SPANXN4: variants seen among roughly 807,000 people sequenced by gnomAD.
SPANXN4 encodes the protein SPANX family member N4, also known as sperm protein associated with the nucleus on the X chromosome N4.
A neutral mutation model predicts 6.0 loss-of-function variants in SPANXN4; 5 were observed. The observed-to-expected ratio is 0.83, with a 90% CI of 0.44 to 1.75. The LOEUF is 1.75. Among genes scored for constraint, SPANXN4 ranks in the 40% most tolerant of loss-of-function variants. The pLI, the probability that SPANXN4 is intolerant of heterozygous loss-of-function variation, is 0.02. For synonymous variants in SPANXN4, 45 were observed against 38.0 expected (o/e 1.19, Z -0.68); for missense variants, 157 against 108.6 (o/e 1.45, Z -1.98).
chrX:143,027,546 G>C (rs1231213967), intron 1 of SPANXN4, among the ~76,000 whole-genome samples: 1 of 111,367 alleles, frequency 9.0e-6, no homozygotes, highest in Non-Finnish European at 1.9e-5. Flanking sequence ...TGACAGTGTG[G>C]GTGGATCTGA....
chrX:143,032,054 A>G (rs1416144865), intron 1 of SPANXN4, among the ~76,000 whole-genome samples: 2 of 111,698 alleles, frequency 1.8e-5, no homozygotes, highest in African/African-American at 6.5e-5. Context: ...TTGTTGGTGG[A>G]GGGTGTTTGC....
At chrX:143,026,305 G>C (rs998839578) in intron 1 of SPANXN4, among the ~76,000 whole-genome samples, 3 of 111,606 alleles carry the variant, frequency 2.7e-5, no homozygotes, top group Non-Finnish European at 1.9e-5. Flanking sequence ...GCGGAATATT[G>C]ATAAGATGTT....
At chrX:143,035,405 G>T (rs1009143792), downstream of SPANXN4, among the ~76,000 whole-genome samples, 1 of 110,043 alleles carries the variant, frequency 9.1e-6, no homozygotes, top group Middle Eastern at 4.6e-3. Context: ...TTCCACTCAG[G>T]CCTGTTTTTA....
intron 1 of SPANXN4, among the ~76,000 whole-genome samples, chrX:143,027,951 G>A (rs1438632984): frequency 1.8e-5 from 2 of 111,351 alleles, no homozygotes; most frequent in African/African-American, 6.5e-5. Flanking sequence ...CAGGGACATG[G>A]GGAAGGGACA....
exon 2 of SPANXN4, chrX:143,034,115 A>C: frequency 8.5e-7 from 1 of 1,178,915 alleles, no homozygotes; most frequent in Non-Finnish European, 1.1e-6. Flanking sequence ...GTTTTACTGC[A>C]GGAAGAATAA....
chrX:143,034,771 T>G, downstream of SPANXN4: 4 of 1,045,194 alleles, frequency 3.8e-6, no homozygotes, highest in Non-Finnish European at 4.9e-6. Context: ...AATAATGGTG[T>G]TTGGAGGACA....
At chrX:143,028,186 T>C (rs1302781535) in intron 1 of SPANXN4, among the ~76,000 whole-genome samples, 1 of 110,796 alleles carries the variant, frequency 9.0e-6, no homozygotes, top group Non-Finnish European at 1.9e-5. Context: ...GGAAGGATGT[T>C]AGCTTTGCCA....
chrX:143,033,888 G>T lies in SPANXN4; in HGVS notation c.79-140G>T, dbSNP rs755742977. The T allele has an allele frequency of 9.2e-6, 5 of 544,938 alleles. No homozygotes were observed. The South Asian group carries it at 9.7e-5, about 11-fold the overall frequency. The allele number at this position is 544,938 out of a possible 1,213,427, so 44.9% of individuals were successfully genotyped here. ...TCTTCCCCATAGATCCCTACCCTAT[G>T]ATTCCACCTTGCTCTTCTCTGGCAC... On this transcript the variant is annotated intron_variant, in intron 1 of 2. Transcript: ENST00000370504.
At chrX:143,033,540 C>T (rs1280684047) in intron 1 of SPANXN4, among the ~76,000 whole-genome samples, 1 of 111,563 alleles carries the variant, frequency 9.0e-6, no homozygotes, top group African/African-American at 3.3e-5. Context: ...GGGGTACTTA[C>T]AGGTATTGGT....
At chrX:143,026,712 C>T (rs144244585) in intron 1 of SPANXN4, among the ~76,000 whole-genome samples, 16 of 110,617 alleles carry the variant, frequency 1.4e-4, no homozygotes, top group African/African-American at 4.3e-4. Flanking sequence ...GACTTGGCAG[C>T]GGAGAAGGAT....
chrX:143,037,403 G>T (rs374132645), downstream of SPANXN4, among the ~76,000 whole-genome samples: 3 of 111,172 alleles, frequency 2.7e-5, no homozygotes, highest in East Asian at 8.5e-4. Flanking sequence ...GAATTCTTCC[G>T]TGAGCCATTT....
downstream of SPANXN4, among the ~76,000 whole-genome samples, chrX:143,036,056 C>A (rs1932842397): frequency 9.4e-6 from 1 of 105,977 alleles, no homozygotes; most frequent in African/African-American, 3.5e-5. Flanking sequence ...TGATGTCCTC[C>A]TGGTCCATCC....
chrX:143,036,378 A>G (rs1174741425), downstream of SPANXN4, among the ~76,000 whole-genome samples: 4 of 111,083 alleles, frequency 3.6e-5, no homozygotes, highest in Non-Finnish European at 7.6e-5. Context: ...GAGAAGCCCT[A>G]TTAAATCTCT....
chrX:143,034,093 T>C, exon 2 of SPANXN4: 1 of 1,179,405 alleles, frequency 8.5e-7, no homozygotes, highest in Non-Finnish European at 1.1e-6. Flanking sequence ...AAGCAAAATA[T>C]CCAACATTAG....
At chrX:143,028,563 T>C (rs986139177) in intron 1 of SPANXN4, among the ~76,000 whole-genome samples, 3 of 111,290 alleles carry the variant, frequency 2.7e-5, no homozygotes, top group Non-Finnish European at 5.7e-5. Flanking sequence ...TGTTGGCCCA[T>C]TGTCTGACTG....
rs1278695309 is a variant in SPANXN4 at position 143,034,502 on chromosome X, C to G, written c.284-7C>G. The G allele has an allele frequency of 2.7e-6, 3 of 1,129,304 alleles. No homozygotes were observed. In the East Asian group the frequency reaches 9.9e-5, roughly 37 times the overall value. The allele number at this position is 1,129,304 out of a possible 1,213,427, so 93.1% of individuals were successfully genotyped here. On this transcript the variant is annotated splice_region_variant and splice_polypyrimidine_tract_variant and intron_variant, in intron 2 of 2. Coordinates refer to ENST00000370504, the Ensembl canonical transcript of SPANXN4. ...ACAAATTTTCTTCTTAAAATTTTAT[C>G]TCACAGGAGAGGAAGAAAAGGATTT...
chrX:143,037,070 C>A (rs768656809), downstream of SPANXN4, among the ~76,000 whole-genome samples: 2 of 111,473 alleles, frequency 1.8e-5, no homozygotes, highest in South Asian at 7.5e-4. Context: ...ATAAACATTC[C>A]AAAATTAATA....
At position 143,034,114 on chromosome X, in the gene SPANXN4, C is replaced by A. The variant is rs758559375; in HGVS notation, c.165C>A (p.Cys55Ter). ...AATATCCAACATTAGTGTTTTACTG[C>A]AGGAAGAATAAGAAAAGAAATTCAA... Residue 55 changes from cysteine to a stop codon, truncating the protein, a stop_gained, in exon 2 of 3, where the codon TGC becomes TGA. Transcript: ENST00000370504. LOFTEE classifies it high-confidence loss of function. 4.2e-6 allele frequency: 5 copies of A among 1,178,759 alleles called. No homozygotes were observed. Among genetic ancestry groups the A allele is most frequent in the Admixed American group, 4.9e-5 (2 of 40,471 alleles).
intron 1 of SPANXN4, 75 bp from the exon 2 acceptor site, chrX:143,033,949 GC>G (rs1443636852): frequency 4.3e-6 from 4 of 931,528 alleles, no homozygotes; most frequent in East Asian, 6.8e-5. Context: ...TTCTTATAAA[GC>G]CCCCCTTGCT....
Sources: allele counts gnomAD v4.1 joint callset (sites outside exome capture counted in the v4.1 genomes callset), GRCh38; gene constraint gnomAD v4.1.1; transcripts MANE v1.5; gene names NCBI Gene and HGNC (gene_info 2026-07-23, HGNC 2026-07-21).